Variants in PTPRN2 observed in about 807,000 individuals in gnomAD.
PTPRN2 encodes the protein protein tyrosine phosphatase receptor type N2, also known as receptor-type tyrosine-protein phosphatase N2.
In PTPRN2, 74 loss-of-function variants were observed where a neutral mutation model predicts 118.8. That is an observed-to-expected ratio of 0.62 (90% CI 0.52 to 0.76). The LOEUF (loss-of-function observed/expected upper bound fraction) is 0.76, where lower values mean the gene tolerates loss of function less well. PTPRN2 is among the 30% of genes least tolerant of loss of function. The pLI is 0.00. For missense variants in PTPRN2, 1,481 were observed against 1,394.4 expected, an observed-to-expected ratio of 1.06 and a Z score of -0.99; for synonymous variants, 641 against 608.0, an observed-to-expected ratio of 1.05 and a Z score of -0.80.
chr7:157,708,245 C>T (rs956611321), intron 12 of PTPRN2, among the ~76,000 whole-genome samples: 3 of 152,260 alleles, frequency 2.0e-5, no homozygotes, highest in African/African-American at 7.2e-5. Context: ...GGCACATCCT[C>T]TCCTCTGCTG....
chr7:157,633,554 C>T (rs532359246), intron 14 of PTPRN2, among the ~76,000 whole-genome samples: 64 of 152,326 alleles, frequency 4.2e-4, no homozygotes, highest in Non-Finnish European at 7.9e-4. Flanking sequence ...AGAGTCACGA[C>T]GCAGAGCCTG....
intron 15 of PTPRN2, among the ~76,000 whole-genome samples, chr7:157,620,340 A>G (rs1803082917): frequency 6.6e-6 from 1 of 152,144 alleles, no homozygotes; most frequent in Non-Finnish European, 1.5e-5. Flanking sequence ...CTGTGGGAAC[A>G]CGAGGCGGTG....
chr7:158,565,361 A>C lies in PTPRN2; in HGVS notation c.112+22197T>G, dbSNP rs1157846141. On this transcript the variant is annotated intron_variant, in intron 1 of 22. Coordinates refer to ENST00000389418, the MANE Select transcript of PTPRN2 (RefSeq NM_002847.5). The surrounding 1 kb of genome is among the most constrained non-coding windows in gnomAD (Gnocchi z 4.6). The stretch of plus-strand genomic sequence containing the variant: ...CTTTGCAAATTCCCAGGAACTTTGC[A>C]AATTACCTCTCATCCTGAGAGGTGA... Among the ~76,000 whole-genome samples the C allele has an allele frequency of 6.6e-6, 1 of 152,162 alleles. No individual in the cohort carries two copies. Among genetic ancestry groups the C allele is most frequent in the African/African-American group, 2.4e-5 (1 of 41,424 alleles).
rs1410028209 is a variant in PTPRN2, at chr7:157,881,160, T to C, written c.1788+17513A>G. On this transcript the variant is annotated intron_variant, in intron 12 of 22. Transcript: ENST00000389418. The surrounding 1 kb of genome is among the most constrained non-coding windows in gnomAD (Gnocchi z 4.7). ...TGAGGGTATGTGGAGATGGAGGTGT[T>C]TACAGGAATCATTACGGTAAAATGA... is the stretch of plus-strand genomic sequence containing the variant. 6.6e-6 allele frequency among the ~76,000 whole-genome samples: 1 copy of C among 151,666 alleles called. No homozygotes were observed. Among genetic ancestry groups the C allele is most frequent in the Non-Finnish European group, 1.5e-5 (1 of 67,906 alleles).
intron 3 of PTPRN2, among the ~76,000 whole-genome samples, chr7:158,284,636 C>T (rs1311338973): frequency 6.6e-6 from 1 of 152,130 alleles, no homozygotes; most frequent in Non-Finnish European, 1.5e-5. Flanking sequence ...CTGTCCCACT[C>T]CATAGTTTGG....
At chr7:158,269,995 G>A (rs931666011) in intron 3 of PTPRN2, among the ~76,000 whole-genome samples, 1 of 152,218 alleles carries the variant, frequency 6.6e-6, no homozygotes, top group African/African-American at 2.4e-5. Flanking sequence ...GAACAGCAGA[G>A]ACAGAGTCCC....
intron 6 of PTPRN2, among the ~76,000 whole-genome samples, chr7:158,144,808 C>G (rs1446342570): frequency 6.6e-6 from 1 of 152,212 alleles, no homozygotes; most frequent in African/African-American, 2.4e-5. Context: ...TCCTGCTTAA[C>G]ACAAAGACAG....
chr7:157,685,162 G>A (rs1797117059), intron 12 of PTPRN2, among the ~76,000 whole-genome samples: 1 of 151,816 alleles, frequency 6.6e-6, no homozygotes, highest in African/African-American at 2.4e-5. Context: ...GGCGCGACCG[G>A]CGGAGGGGGC....
At chr7:157,642,016 C>T (rs915928829) in intron 14 of PTPRN2, among the ~76,000 whole-genome samples, 1 of 152,198 alleles carries the variant, frequency 6.6e-6, no homozygotes, top group African/African-American at 2.4e-5. Context: ...CTGCCCAACA[C>T]AGCTGTCTTC....
chr7:157,662,499 G>T (rs986776680), intron 13 of PTPRN2, among the ~76,000 whole-genome samples: 1 of 152,206 alleles, frequency 6.6e-6, no homozygotes, highest in African/African-American at 2.4e-5. Context: ...CACGTGTTGG[G>T]CGTTCGTGGG....
intron 11 of PTPRN2, among the ~76,000 whole-genome samples, chr7:158,059,603 C>G: frequency 8.6e-6 from 1 of 116,444 alleles, no homozygotes; most frequent in African/African-American, 4.1e-5. Context: ...AGCCACACTC[C>G]ATCTGCACAC....
intron 12 of PTPRN2, among the ~76,000 whole-genome samples, chr7:157,886,551 G>A (rs1452942619): frequency 1.3e-5 from 2 of 152,220 alleles, no homozygotes; most frequent in African/African-American, 2.4e-5. Context: ...GAAGGCATCC[G>A]TGAGCCAGCG....
At chr7:158,064,952 C>T (rs1279345116) in intron 11 of PTPRN2, among the ~76,000 whole-genome samples, 2 of 152,264 alleles carry the variant, frequency 1.3e-5, no homozygotes, top group African/African-American at 2.4e-5. Flanking sequence ...CTGCAGGCAG[C>T]GCAGGCATAA....
rs1244857708 is a variant in PTPRN2 at position 157,560,663 on chromosome 7, C to T, written c.2902+8239G>A. Among the ~76,000 whole-genome samples the T allele has an allele frequency of 2.0e-5, 3 of 152,134 alleles. No individual in the cohort carries two copies. The highest frequency in any genetic ancestry group is 2.1e-4 in the South Asian group (1 of 4,832). ...AGAGGAGGCCCTGCTCCTGCCCGAC[C>T]GAAGGCAACTTCTCCCTTGAAGAGA... On this transcript the variant is annotated intron_variant, in intron 21 of 22. Transcript: ENST00000389418. The surrounding 1 kb of genome is among the most constrained non-coding windows in gnomAD (Gnocchi z 6.7).
chr7:158,413,271 A>G (rs530073274), intron 2 of PTPRN2, among the ~76,000 whole-genome samples: 6 of 152,366 alleles, frequency 3.9e-5, no homozygotes, highest in Admixed American at 3.3e-4. Flanking sequence ...GATCAAAAAC[A>G]ATCCTTTGTA....
At chr7:157,722,656 T>C (rs1474989190) in intron 12 of PTPRN2, among the ~76,000 whole-genome samples, 1 of 152,044 alleles carries the variant, frequency 6.6e-6, no homozygotes, top group Non-Finnish European at 1.5e-5. Context: ...GCACTGCCTA[T>C]CGCAGCATCC....
rs1029266388 is a variant in PTPRN2, at chr7:157,977,340, C to T, written c.1724-78603G>A. On this transcript the variant is annotated intron_variant, in intron 11 of 22. Coordinates refer to ENST00000389418, the MANE Select transcript of PTPRN2 (RefSeq NM_002847.5). This position sits in a 1 kb window ranked among gnomAD's most constrained non-coding sequence, Gnocchi z 4.6. Reference sequence around the variant, plus strand: ...TTTCTGATCAGGGCTCTGAGCTCTGCGTCAAGTGGGAGGGGTTAATGTGCT... The same window carrying T: ...TTTCTGATCAGGGCTCTGAGCTCTGTGTCAAGTGGGAGGGGTTAATGTGCT... Among the ~76,000 whole-genome samples the T allele has an allele frequency of 1.3e-5, 2 of 151,738 alleles. No homozygotes were observed. Among genetic ancestry groups the T allele is most frequent in the Non-Finnish European group, 1.5e-5 (1 of 67,922 alleles).
At chr7:158,437,056 T>C (rs1816620345) in intron 2 of PTPRN2, among the ~76,000 whole-genome samples, 1 of 152,206 alleles carries the variant, frequency 6.6e-6, no homozygotes, top group Non-Finnish European at 1.5e-5. Flanking sequence ...TAAGCTGTTT[T>C]CCTTCTCCTC....
chr7:157,818,910 A>T (rs1806610752), intron 12 of PTPRN2, among the ~76,000 whole-genome samples: 1 of 151,950 alleles, frequency 6.6e-6, no homozygotes, highest in African/African-American at 2.4e-5. Context: ...CCTCCTCTGA[A>T]ACCAGCAAGG....
Sources: allele counts gnomAD v4.1 joint callset (sites outside exome capture counted in the v4.1 genomes callset), GRCh38; gene constraint gnomAD v4.1.1; non-coding constraint Gnocchi (gnomAD v3.1); transcripts MANE v1.5; gene names NCBI Gene and HGNC (gene_info 2026-07-23, HGNC 2026-07-21).